SNX24: variants seen among roughly 807,000 people sequenced by gnomAD.
SNX24 encodes the protein sorting nexin 24, also known as sorting nexin-24.
SNX24 carries 22 observed loss-of-function variants against 28.7 expected under a neutral mutation model. The ratio of observed to expected loss-of-function variants is 0.77; its 90% confidence interval spans 0.55 to 1.10. The LOEUF (loss-of-function observed/expected upper bound fraction) is 1.10, where lower values mean the gene tolerates loss of function less well. Ranked by LOEUF, SNX24 falls within the 50% of genes least tolerant of loss-of-function variation. The pLI is 0.00. For synonymous variants in SNX24, 69 were observed against 71.5 expected (o/e 0.96, Z 0.18); for missense variants, 221 against 201.1 (o/e 1.10, Z -0.60).
chr5:122,965,361 C>T, intron 3 of SNX24: 1 of 427,500 alleles, frequency 2.3e-6, no homozygotes, highest in Non-Finnish European at 4.8e-6. Context: ...CCACAGGTAC[C>T]TGGATAGCCT....
At chr5:122,940,077 T>C (rs1017587619) in intron 2 of SNX24, among the ~76,000 whole-genome samples, 2 of 151,682 alleles carry the variant, frequency 1.3e-5, no homozygotes, top group African/African-American at 4.8e-5. Flanking sequence ...CACCACAACC[T>C]CCACCTCCCA....
intron 5 of SNX24, among the ~76,000 whole-genome samples, chr5:123,018,209 T>C (rs184329485): frequency 8.7e-4 from 132 of 151,812 alleles, no homozygotes; most frequent in African/African-American, 3.0e-3. Flanking sequence ...TCTGAAGTCT[T>C]TGTAAGAGAG....
intron 1 of SNX24, among the ~76,000 whole-genome samples, chr5:122,852,968 A>G (rs971052473): frequency 1.1e-4 from 16 of 152,116 alleles, no homozygotes; most frequent in East Asian, 1.9e-4. Context: ...TCAGTCATCC[A>G]TTACCAGCAT....
At chr5:122,866,896 C>T (rs1018483033) in intron 1 of SNX24, among the ~76,000 whole-genome samples, 1 of 152,180 alleles carries the variant, frequency 6.6e-6, no homozygotes, top group Non-Finnish European at 1.5e-5. Flanking sequence ...AAGCATTCCT[C>T]ACTATGGAAC....
At chr5:122,939,689 A>G (rs1243174572) in intron 2 of SNX24, among the ~76,000 whole-genome samples, 1 of 152,142 alleles carries the variant, frequency 6.6e-6, no homozygotes, top group Non-Finnish European at 1.5e-5. Context: ...GTGAACTTTG[A>G]TTATCTAAGG....
chr5:122,992,488 A>G (rs1321760551), intron 3 of SNX24, among the ~76,000 whole-genome samples: 1 of 152,036 alleles, frequency 6.6e-6, no homozygotes, highest in Non-Finnish European at 1.5e-5. Context: ...GGTTTTTTTA[A>G]TGTCATGCTT....
rs566107462 is a variant in SNX24 at position 122,875,213 on chromosome 5, T to C, written c.60+29520T>C. ...CCTAAGTTATTTTATCCATGAACTG[T>C]TCAGAATTATTTCTTATATGTGCCC... On this transcript the variant is annotated intron_variant, in intron 1 of 6. Coordinates refer to ENST00000261369, the MANE Select transcript of SNX24 (RefSeq NM_014035.4). Among the ~76,000 whole-genome samples, 15 of 152,330 alleles carry C rather than the reference T, an allele frequency of 9.8e-5. No individual in the cohort carries two copies. The South Asian group carries it at 3.1e-3, about 32-fold the overall frequency.
downstream of SNX24, among the ~76,000 whole-genome samples, chr5:123,013,645 T>C (rs1762632125): frequency 6.6e-6 from 1 of 152,182 alleles, no homozygotes; most frequent in Non-Finnish European, 1.5e-5. Flanking sequence ...AGAAGAAAAT[T>C]TTGTGTCCTA....
intron 6 of SNX24, among the ~76,000 whole-genome samples, chr5:123,006,640 T>G (rs1738522110): frequency 1.3e-5 from 2 of 152,220 alleles, no homozygotes; most frequent in Admixed American, 1.3e-4. Context: ...TCTTCCCAGG[T>G]GTGATGGGGC....
chr5:123,005,110 A>G (rs886244274), intron 6 of SNX24, among the ~76,000 whole-genome samples: 1 of 152,190 alleles, frequency 6.6e-6, no homozygotes, highest in African/African-American at 2.4e-5. Flanking sequence ...TGATTATGTT[A>G]TTTCTGATCG....
At chr5:123,018,472 G>A (rs563875764) in intron 5 of SNX24, among the ~76,000 whole-genome samples, 30 of 152,190 alleles carry the variant, frequency 2.0e-4, no homozygotes, top group Middle Eastern at 6.8e-3. Context: ...GACAAATGGC[G>A]GCTGTAGTTT....
intron 3 of SNX24, among the ~76,000 whole-genome samples, chr5:122,960,820 T>C (rs1211345866): frequency 6.6e-6 from 1 of 152,172 alleles, no homozygotes; most frequent in Non-Finnish European, 1.5e-5. Context: ...CACAAACTAC[T>C]ACATTTCAAA....
chr5:123,010,726 T>C (rs982090061), downstream of SNX24, among the ~76,000 whole-genome samples: 3 of 152,226 alleles, frequency 2.0e-5, no homozygotes, highest in African/African-American at 7.2e-5. Flanking sequence ...AATGTGTCTG[T>C]ACTTAATGTG....
intron 1 of SNX24, among the ~76,000 whole-genome samples, chr5:122,876,464 G>T (rs1221399870): frequency 6.6e-6 from 1 of 152,150 alleles, no homozygotes; most frequent in Non-Finnish European, 1.5e-5. Flanking sequence ...ATATTAAAAA[G>T]TGCCATTTAA....
intron 1 of SNX24, among the ~76,000 whole-genome samples, chr5:122,848,193 C>G (rs1490338350): frequency 6.6e-6 from 1 of 152,154 alleles, no homozygotes; most frequent in Non-Finnish European, 1.5e-5. Context: ...GCCTTGGACT[C>G]TTGGGCTCAA....
chr5:122,931,028 A>G (rs999035942), intron 1 of SNX24, among the ~76,000 whole-genome samples: 4 of 152,202 alleles, frequency 2.6e-5, no homozygotes, highest in Admixed American at 1.3e-4. Context: ...TGCAACATTA[A>G]GTGAGGGCTT....
At chr5:122,995,999 C>T (rs544924203) in intron 3 of SNX24, among the ~76,000 whole-genome samples, 1 of 152,202 alleles carries the variant, frequency 6.6e-6, no homozygotes, top group South Asian at 2.1e-4. Context: ...TTTTGGGAGC[C>T]CTCCACACCA....
intron 1 of SNX24, among the ~76,000 whole-genome samples, chr5:122,896,596 A>G (rs1384913810): frequency 6.6e-6 from 1 of 151,954 alleles, no homozygotes; most frequent in Non-Finnish European, 1.5e-5. Context: ...TGGATGCTCT[A>G]CTCACTTGCT....
At chr5:122,849,108 T>C (rs957065105) in intron 1 of SNX24, among the ~76,000 whole-genome samples, 2 of 152,236 alleles carry the variant, frequency 1.3e-5, no homozygotes, top group African/African-American at 2.4e-5. Context: ...CTAGGATTTC[T>C]GTAGAACCTT....
Sources: gnomAD v4.1 joint callset for allele counts (sites outside exome capture counted in the v4.1 genomes callset) on GRCh38, gnomAD v4.1.1 for gene constraint, MANE v1.5 for transcripts, NCBI Gene and HGNC (gene_info 2026-07-23, HGNC 2026-07-21) for gene names.